UNC5D: variants seen among roughly 807,000 people sequenced by gnomAD.
The protein encoded by UNC5D is unc-5 netrin receptor D.
A neutral mutation model predicts 105.4 loss-of-function variants in UNC5D; 39 were observed. The observed-to-expected ratio is 0.37, with a 90% CI of 0.29 to 0.48. The LOEUF (loss-of-function observed/expected upper bound fraction) is 0.48, where lower values mean the gene tolerates loss of function less well. Ranked by LOEUF, UNC5D falls within the 20% of genes least tolerant of loss-of-function variation. The pLI is 0.98. For missense variants in UNC5D, 991 were observed against 1,202.4 expected, an observed-to-expected ratio of 0.82 and a Z score of 2.60; for synonymous variants, 452 against 450.4, an observed-to-expected ratio of 1.00 and a Z score of -0.04.
intron 1 of UNC5D, among the ~76,000 whole-genome samples, chr8:35,266,004 G>A (rs980031247): frequency 8.6e-5 from 13 of 151,988 alleles, no homozygotes; most frequent in African/African-American, 2.7e-4. Flanking sequence ...AATTGTTGAA[G>A]TAAGGTGATG....
intron 1 of UNC5D, among the ~76,000 whole-genome samples, chr8:35,464,834 C>A (rs1809179934): frequency 6.6e-6 from 1 of 152,190 alleles, no homozygotes; most frequent in South Asian, 2.1e-4. Flanking sequence ...ATTTTTTTCA[C>A]ACATTTGAAA....
At chr8:35,733,664 C>G (rs111956722) in intron 11 of UNC5D, among the ~76,000 whole-genome samples, 2 of 152,178 alleles carry the variant, frequency 1.3e-5, no homozygotes, top group African/African-American at 4.8e-5. Context: ...AAAGTCTGCT[C>G]CATTTCTCCT....
At chr8:35,513,130 C>T (rs967233477) in intron 1 of UNC5D, among the ~76,000 whole-genome samples, 18 of 152,162 alleles carry the variant, frequency 1.2e-4, no homozygotes, top group African/African-American at 3.1e-4. Context: ...TCTGGGACTT[C>T]GCACTTGCTA....
At position 35,277,289 on chromosome 8, in the gene UNC5D, G is replaced by A. The variant is rs577039882; in HGVS notation, c.103+41402G>A. 2.0e-5 allele frequency among the ~76,000 whole-genome samples: 3 copies of A among 152,330 alleles called. No individual in the cohort carries two copies. In the East Asian group the frequency reaches 5.8e-4, roughly 29 times the overall value. On this transcript the variant is annotated intron_variant, in intron 1 of 16. Transcript: ENST00000404895. ...TGCTGTAAATTAATAAATTAGCATT[G>A]AAACTATTGCTGTGTCTGCTGGCAG...
intron 7 of UNC5D, among the ~76,000 whole-genome samples, chr8:35,693,029 C>T (rs1586452657): frequency 6.6e-6 from 1 of 152,244 alleles, no homozygotes; most frequent in South Asian, 2.1e-4. Flanking sequence ...AACCATCTCT[C>T]CCCCATGCCC....
chr8:35,352,600 A>G (rs1471037549), intron 1 of UNC5D, among the ~76,000 whole-genome samples: 1 of 151,936 alleles, frequency 6.6e-6, no homozygotes, highest in Non-Finnish European at 1.5e-5. Flanking sequence ...CAATGCTAGT[A>G]TTTCTTTTTT....
chr8:35,717,073 G>C (rs1189125040), intron 8 of UNC5D, among the ~76,000 whole-genome samples: 1 of 152,122 alleles, frequency 6.6e-6, no homozygotes, highest in East Asian at 1.9e-4. Context: ...AGGATGTGCT[G>C]TATTTACTGT....
intron 1 of UNC5D, among the ~76,000 whole-genome samples, chr8:35,326,304 G>T (rs931859685): frequency 1.1e-4 from 16 of 152,298 alleles, no homozygotes; most frequent in Admixed American, 9.8e-4. Flanking sequence ...AGCGTCAGAA[G>T]CTGCACAGGG....
intron 1 of UNC5D, among the ~76,000 whole-genome samples, chr8:35,305,507 T>A (rs3108616): frequency 0.83 from 125,828 of 151,752 alleles, 52,490 homozygotes; most frequent in East Asian, 1. Flanking sequence ...TGAGCCACTT[T>A]GATACCAAGA....
chr8:35,652,455 G>C (rs193001977), intron 4 of UNC5D, among the ~76,000 whole-genome samples: 3 of 152,136 alleles, frequency 2.0e-5, no homozygotes, highest in East Asian at 1.9e-4. Flanking sequence ...AGCCTCCCGT[G>C]TTCCCAAAAC....
chr8:35,554,562 G>T (rs1816397252), intron 2 of UNC5D, among the ~76,000 whole-genome samples: 1 of 152,164 alleles, frequency 6.6e-6, no homozygotes, highest in East Asian at 1.9e-4. Flanking sequence ...GTAGAAATTA[G>T]GAGCTTTACT....
At chr8:35,511,887 T>C (rs1812735660) in intron 1 of UNC5D, among the ~76,000 whole-genome samples, 1 of 152,170 alleles carries the variant, frequency 6.6e-6, no homozygotes, top group Admixed American at 6.5e-5. Context: ...AAAACTGATA[T>C]ACTTAACCTT....
chr8:35,549,362 G>A lies in UNC5D; in HGVS notation c.174G>A (p.Glu58=). ...CTGGGACACTGCCTCATTTCATAGA[G>A]GAGCCAGATGATGCTTATATTATCA... is the stretch of plus-strand genomic sequence containing the variant. The part of the protein sequence containing the change: ...SAPGTLPHFI[E]EPDDAYIIKS... The change falls in exon 2 of 17, where the codon GAG becomes GAA. Residue 58 remains glutamate (E), a synonymous_variant. Transcript: ENST00000404895. The A allele has an allele frequency of 6.2e-7, 1 of 1,613,598 alleles. No individual in the cohort carries two copies. The highest frequency in any genetic ancestry group is 8.5e-7 in the Non-Finnish European group (1 of 1,180,032).
intron 1 of UNC5D, among the ~76,000 whole-genome samples, chr8:35,381,536 C>A (rs1803042336): frequency 2.6e-5 from 4 of 152,136 alleles, no homozygotes; most frequent in Admixed American, 2.6e-4. Flanking sequence ...CAGCTGTGGG[C>A]CGTGATTATG....
chr8:35,320,024 T>A (rs1809607639), intron 1 of UNC5D, among the ~76,000 whole-genome samples: 1 of 152,072 alleles, frequency 6.6e-6, no homozygotes, highest in Non-Finnish European at 1.5e-5. Flanking sequence ...TTTGAAAAGA[T>A]TTATTCTAAG....
intron 1 of UNC5D, among the ~76,000 whole-genome samples, chr8:35,340,769 G>T (rs879769484): frequency 1.3e-5 from 2 of 152,104 alleles, no homozygotes; most frequent in Admixed American, 1.3e-4. Flanking sequence ...ACAGAAACAA[G>T]GATATAAGGA....
chr8:35,783,160 AAAG>A (rs202100381), intron 16 of UNC5D, among the ~76,000 whole-genome samples: 7,159 of 151,912 alleles, frequency 0.047, 426 homozygotes, highest in African/African-American at 0.14. Context: ...GAAAAAAAAA[AAAG>A]AGTCATATGT....
intron 8 of UNC5D, among the ~76,000 whole-genome samples, chr8:35,719,600 C>T (rs1828462976): frequency 6.6e-6 from 1 of 152,164 alleles, no homozygotes. Flanking sequence ...GTCCTTACCA[C>T]CTTTAGACAA....
intron 16 of UNC5D, among the ~76,000 whole-genome samples, chr8:35,780,107 T>C (rs1252828763): frequency 6.6e-6 from 1 of 152,168 alleles, no homozygotes; most frequent in Non-Finnish European, 1.5e-5. Flanking sequence ...AAGCAGCAGA[T>C]AAATGATGTC....
Sources: allele counts gnomAD v4.1 joint callset (sites outside exome capture counted in the v4.1 genomes callset), GRCh38; gene constraint gnomAD v4.1.1; transcripts MANE v1.5; gene names NCBI Gene and HGNC (gene_info 2026-07-23, HGNC 2026-07-21).